NTM: variants seen among roughly 807,000 people sequenced by gnomAD.
NTM encodes the protein IgLON family member 2.
A neutral mutation model predicts 42.1 loss-of-function variants in NTM; 13 were observed. That is an observed-to-expected ratio of 0.31 (90% CI 0.20 to 0.49). The LOEUF is 0.49. NTM is among the 20% of genes least tolerant of loss of function. The pLI is 0.99. For synonymous variants in NTM, 187 were observed against 179.2 expected (o/e 1.04, Z -0.35); for missense variants, 373 against 452.8 (o/e 0.82, Z 1.60).
rs1000359799 is a variant in NTM at position 132,028,521 on chromosome 11, C to G, written c.167+116873C>G. 5.3e-5 allele frequency among the ~76,000 whole-genome samples: 8 copies of G among 152,132 alleles called. No homozygotes were observed. In the East Asian group the frequency reaches 5.8e-4, roughly 11 times the overall value. ...AGAATTCTTTCATTTCCATTCCCCTCTTGTTATGATGAGCTACTCCTATGG... is the reference window on the plus strand; with the variant it reads ...AGAATTCTTTCATTTCCATTCCCCTGTTGTTATGATGAGCTACTCCTATGG... On this transcript the variant is annotated intron_variant, in intron 2 of 8. Transcript: ENST00000683400.
At chr11:131,414,029 T>C (rs970547509) in intron 1 of NTM, among the ~76,000 whole-genome samples, 1 of 152,200 alleles carries the variant, frequency 6.6e-6, no homozygotes, top group Admixed American at 6.5e-5. Context: ...TGGGCAAGCC[T>C]GCAACTGAAC....
intron 1 of NTM, among the ~76,000 whole-genome samples, chr11:131,563,578 A>ATTTTTTTTT (rs2056498931): frequency 1.5e-5 from 1 of 68,352 alleles, no homozygotes; most frequent in African/African-American, 6.1e-5. Flanking sequence ...AGCTCCAGAC[A>ATTTTTTTTT]CTTTTTTTTT....
intron 1 of NTM, among the ~76,000 whole-genome samples, chr11:131,668,049 G>T (rs567222703): frequency 6.6e-6 from 1 of 152,322 alleles, no homozygotes; most frequent in African/African-American, 2.4e-5. Context: ...CCTATTTTGT[G>T]GTTGAGAAGC....
intron 4 of NTM, among the ~76,000 whole-genome samples, chr11:132,230,116 A>G (rs1307597057): frequency 1.4e-4 from 22 of 152,236 alleles, no homozygotes; most frequent in Admixed American, 1.4e-3. Context: ...GTGAGAAAGT[A>G]CAGCTTTTAA....
At chr11:132,145,878 A>G (rs1396000525) in intron 2 of NTM, among the ~76,000 whole-genome samples, 1 of 152,224 alleles carries the variant, frequency 6.6e-6, no homozygotes, top group Non-Finnish European at 1.5e-5. Flanking sequence ...AAGATTCTTC[A>G]TAGGGTTATT....
At chr11:132,007,075 G>A (rs1236963973) in intron 2 of NTM, among the ~76,000 whole-genome samples, 1 of 152,172 alleles carries the variant, frequency 6.6e-6, no homozygotes, top group African/African-American at 2.4e-5. Context: ...GGGGGTTCCT[G>A]AGTGAATGGA....
At chr11:131,717,887 C>G (rs576507540) in intron 1 of NTM, among the ~76,000 whole-genome samples, 1 of 152,100 alleles carries the variant, frequency 6.6e-6, no homozygotes, top group Non-Finnish European at 1.5e-5. Context: ...AGAAAGTTCT[C>G]TTAATTTGCT....
intron 1 of NTM, among the ~76,000 whole-genome samples, chr11:131,655,409 C>G (rs1010772010): frequency 6.6e-6 from 1 of 152,194 alleles, no homozygotes; most frequent in Non-Finnish European, 1.5e-5. Flanking sequence ...TAATCTGGTA[C>G]CTTCCTCCTT....
chr11:131,600,413 A>G (rs1338431836), intron 1 of NTM, among the ~76,000 whole-genome samples: 2 of 152,218 alleles, frequency 1.3e-5, no homozygotes, highest in African/African-American at 4.8e-5. Flanking sequence ...CTATAGGAAA[A>G]TGTATTATTA....
At position 131,623,598 on chromosome 11, in the gene NTM, A is replaced by G. The variant is rs143234319; in HGVS notation, c.82+252710A>G. 9.1e-4 allele frequency among the ~76,000 whole-genome samples: 139 copies of G among 152,342 alleles called. 1 individual carries two copies. The East Asian group carries it at 0.021, about 22-fold the overall frequency. On this transcript the variant is annotated intron_variant, in intron 1 of 8. Coordinates refer to ENST00000683400, the MANE Select transcript of NTM (RefSeq NM_001352005.2). ...AGGAGCAAGACAGCAGTAACTAAATAAACAACTAATCAGCGATGGGTTAGG... is the reference window on the plus strand; with the variant it reads ...AGGAGCAAGACAGCAGTAACTAAATGAACAACTAATCAGCGATGGGTTAGG...
At chr11:132,278,933 C>T (rs2093852936) in intron 4 of NTM, among the ~76,000 whole-genome samples, 2 of 152,178 alleles carry the variant, frequency 1.3e-5, no homozygotes, top group Admixed American at 1.3e-4. Context: ...ACAAGCAGAT[C>T]TGTACAGCTC....
intron 1 of NTM, chr11:131,539,421 G>T (rs921853208): frequency 6.6e-6 from 1 of 152,270 alleles, no homozygotes; most frequent in East Asian, 1.9e-4. Flanking sequence ...CACCAATAGA[G>T]AAAAGTGGGG....
At chr11:132,191,171 G>T (rs538388470) in intron 3 of NTM, among the ~76,000 whole-genome samples, 2 of 152,054 alleles carry the variant, frequency 1.3e-5, no homozygotes, top group Admixed American at 6.6e-5. Flanking sequence ...TTATGCTTGC[G>T]GCCACCACCC....
chr11:131,836,596 G>A (rs552432989), intron 1 of NTM, among the ~76,000 whole-genome samples: 1 of 152,146 alleles, frequency 6.6e-6, no homozygotes, highest in Non-Finnish European at 1.5e-5. Flanking sequence ...TTTCCAATGA[G>A]CACATTCCCC....
intron 3 of NTM, among the ~76,000 whole-genome samples, chr11:132,197,790 T>C (rs2080506046): frequency 6.6e-6 from 1 of 151,868 alleles, no homozygotes; most frequent in Admixed American, 6.6e-5. Flanking sequence ...AGAATGATGG[T>C]TTCCAGCTTC....
chr11:132,161,796 T>G (rs1321030139), intron 3 of NTM, among the ~76,000 whole-genome samples: 5 of 152,206 alleles, frequency 3.3e-5, no homozygotes. Flanking sequence ...GGGCTGCTTC[T>G]CCACGGAAGG....
intron 2 of NTM, among the ~76,000 whole-genome samples, chr11:131,999,427 T>G (rs1481936185): frequency 6.6e-6 from 1 of 151,960 alleles, no homozygotes; most frequent in Non-Finnish European, 1.5e-5. Flanking sequence ...GGGAGAACAG[T>G]TTGGGGTAAG....
chr11:131,785,353 A>G (rs1194631039), intron 1 of NTM, among the ~76,000 whole-genome samples: 1 of 152,246 alleles, frequency 6.6e-6, no homozygotes, highest in Non-Finnish European at 1.5e-5. Flanking sequence ...CGAGTTAAAC[A>G]TAGTGCAAAA....
chr11:132,283,584 T>C (rs1016322901), intron 4 of NTM, among the ~76,000 whole-genome samples: 1 of 151,992 alleles, frequency 6.6e-6, no homozygotes, highest in African/African-American at 2.4e-5. Context: ...GATGAAAAAA[T>C]TGGCATCTTA....
Sources: gnomAD v4.1 joint callset for allele counts (sites outside exome capture counted in the v4.1 genomes callset) on GRCh38, gnomAD v4.1.1 for gene constraint, MANE v1.5 for transcripts, NCBI Gene and HGNC (gene_info 2026-07-23, HGNC 2026-07-21) for gene names.